Variants in STAT4 observed in about 807,000 individuals in gnomAD.
STAT4 encodes signal transducer and activator of transcription 4.
STAT4 carries 42 observed loss-of-function variants against 110.5 expected under a neutral mutation model. That is an observed-to-expected ratio of 0.38 (90% confidence interval 0.30 to 0.49). STAT4 has a LOEUF of 0.49. Ranked by LOEUF, STAT4 falls within the 20% of genes least tolerant of loss-of-function variation. The probability of loss-of-function intolerance (pLI) is 0.95; values close to 1 mark genes in which losing one functional copy is unlikely to be tolerated. For synonymous variants in STAT4, 284 were observed against 302.2 expected, an observed-to-expected ratio of 0.94 and a Z score of 0.63; for missense variants, 632 against 887.9, an observed-to-expected ratio of 0.71 and a Z score of 3.66.
intron 3 of STAT4, among the ~76,000 whole-genome samples, chr2:191,136,850 G>T (rs73052577): frequency 3.0e-4 from 46 of 152,176 alleles, no homozygotes; most frequent in African/African-American, 1.0e-3. Context: ...TGATAAATAG[G>T]TTCAGTAAAG....
At chr2:191,049,045 A>G (rs559191156) in intron 14 of STAT4, among the ~76,000 whole-genome samples, 5 of 149,782 alleles carry the variant, frequency 3.3e-5, no homozygotes, top group African/African-American at 4.9e-5. Context: ...CTTCACTTGG[A>G]AAAAAAAAAT....
chr2:191,144,733 C>T lies in STAT4; in HGVS notation c.273+1880G>A, dbSNP rs1699419711. ...CACAAAAGATGGGTTGTTTTCTTACCCCTGATTTACACTGAGAAAATCCTG... is the reference window on the plus strand; with the variant it reads ...CACAAAAGATGGGTTGTTTTCTTACTCCTGATTTACACTGAGAAAATCCTG... On this transcript the variant is annotated intron_variant, in intron 3 of 23. Coordinates refer to ENST00000392320, the MANE Select transcript of STAT4 (RefSeq NM_003151.4). The surrounding 1 kb of genome is among the most constrained non-coding windows in gnomAD (Gnocchi z 4.7). 2.0e-5 allele frequency among the ~76,000 whole-genome samples: 3 copies of T among 152,048 alleles called. No individual in the cohort carries two copies. Among genetic ancestry groups the T allele is most frequent in the African/African-American group, 7.2e-5 (3 of 41,404 alleles).
At chr2:191,057,684 C>T (rs1696743469) in intron 13 of STAT4, among the ~76,000 whole-genome samples, 2 of 150,800 alleles carry the variant, frequency 1.3e-5, no homozygotes, top group South Asian at 4.2e-4. Context: ...CTGCAACCTC[C>T]GTCTGCCGGG....
Position 191,062,989 on chromosome 2 carries a change from G to A in STAT4, c.783-69C>T. The A allele has an allele frequency of 7.8e-7, 1 of 1,274,550 alleles. No individual in the cohort carries two copies. Among genetic ancestry groups the A allele is most frequent in the Non-Finnish European group, 1.1e-6 (1 of 937,458 alleles). The allele number at this position is 1,274,550 out of a possible 1,614,324, so 79.0% of individuals were successfully genotyped here. ...ATAATAAAAAAGCATTGTAACAATG[G>A]GTCATAGTTAATAAACATTAAATTA... On this transcript the variant is annotated intron_variant, in intron 8 of 23. Coordinates refer to ENST00000392320, the MANE Select transcript of STAT4 (RefSeq NM_003151.4). The surrounding 1 kb of genome is among the most constrained non-coding windows in gnomAD (Gnocchi z 4.9).
Position 191,033,296 on chromosome 2 carries a change from T to C in STAT4, c.1853-147A>G. 2.6e-6 allele frequency: 3 copies of C among 1,134,784 alleles called. No homozygotes were observed. Among genetic ancestry groups the C allele is most frequent in the Non-Finnish European group, 3.7e-6 (3 of 809,524 alleles). 70.3% of individuals were successfully genotyped at this position (1,134,784 alleles called of 1,614,324 possible). A position where few individuals can be genotyped will look rare whatever the true frequency, so the allele number is the denominator to read the frequency against. On this transcript the variant is annotated intron_variant, in intron 20 of 23. Transcript: ENST00000392320. This position sits in a 1 kb window ranked among gnomAD's most constrained non-coding sequence, Gnocchi z 6.9. ...GTCAGACCTTCTGCTGTCTGGACAG[T>C]ATAGATTGTGCATACGATAGACTTT...
intron 3 of STAT4, among the ~76,000 whole-genome samples, chr2:191,093,805 G>A (rs567302187): frequency 6.6e-6 from 1 of 152,130 alleles, no homozygotes; most frequent in Non-Finnish European, 1.5e-5. Flanking sequence ...GCTAAAGGAG[G>A]ATGTTCGAAC....
intron 3 of STAT4, among the ~76,000 whole-genome samples, chr2:191,088,248 A>T (rs1275929373): frequency 1.3e-5 from 2 of 152,180 alleles, no homozygotes; most frequent in African/African-American, 4.8e-5. Context: ...AAGACACAAA[A>T]GTCAATTGCT....
At chr2:191,100,736 T>C (rs1248492232) in intron 3 of STAT4, among the ~76,000 whole-genome samples, 2 of 151,470 alleles carry the variant, frequency 1.3e-5, no homozygotes, top group African/African-American at 2.4e-5. Context: ...ATCTTATTTA[T>C]ATATTTGATT....
At position 191,135,600 on chromosome 2, in the gene STAT4, GGGACTACA is replaced by G. The variant is rs1699158905; in HGVS notation, c.273+11005_273+11012del. On this transcript the variant is annotated intron_variant, in intron 3 of 23. Transcript: ENST00000392320. This position sits in a 1 kb window ranked among gnomAD's most constrained non-coding sequence, Gnocchi z 4.8. ...GTGATTCTCCTCCTCATGAGTAGCT[GGGACTACA>G]GGTGATCACCACCACGCCCAGCTAA... 6.6e-6 allele frequency among the ~76,000 whole-genome samples: 1 copy of G among 152,112 alleles called. No individual in the cohort carries two copies. Among genetic ancestry groups the G allele is most frequent in the Non-Finnish European group, 1.5e-5 (1 of 68,024 alleles).
chr2:191,126,774 G>C (rs1009219561), intron 3 of STAT4, among the ~76,000 whole-genome samples: 2 of 152,178 alleles, frequency 1.3e-5, no homozygotes, highest in African/African-American at 4.8e-5. Context: ...TCTTGGACTT[G>C]ACTTTTCATC....
chr2:191,120,592 C>G (rs533235735), intron 3 of STAT4, among the ~76,000 whole-genome samples: 5 of 152,186 alleles, frequency 3.3e-5, no homozygotes, highest in Admixed American at 3.3e-4. Context: ...TGTTCTGTTA[C>G]ATTGGTCTAT....
intron 3 of STAT4, among the ~76,000 whole-genome samples, chr2:191,118,432 C>G (rs1289395683): frequency 6.6e-6 from 1 of 152,102 alleles, no homozygotes; most frequent in African/African-American, 2.4e-5. Flanking sequence ...TTGGTGAGAT[C>G]TTCATCTTTC....
chr2:191,135,535 G>A lies in STAT4; in HGVS notation c.273+11078C>T, dbSNP rs1415085158. ...GTCGCCCAGGCTGGAGTGCAGTGGCGTGATCTCAGCTCACTGCAACCTCCG... is the reference window on the plus strand; with the variant it reads ...GTCGCCCAGGCTGGAGTGCAGTGGCATGATCTCAGCTCACTGCAACCTCCG... On this transcript the variant is annotated intron_variant, in intron 3 of 23. Coordinates refer to ENST00000392320, the MANE Select transcript of STAT4 (RefSeq NM_003151.4). This position sits in a 1 kb window ranked among gnomAD's most constrained non-coding sequence, Gnocchi z 4.8. Among the ~76,000 whole-genome samples, 2 of 152,110 alleles carry A rather than the reference G, an allele frequency of 1.3e-5. No homozygotes were observed. The highest frequency in any genetic ancestry group is 1.9e-4 in the East Asian group (1 of 5,192).
Position 191,144,579 on chromosome 2 carries a change from G to A in STAT4, c.273+2034C>T, listed in dbSNP as rs970689410. 2.0e-5 allele frequency among the ~76,000 whole-genome samples: 3 copies of A among 149,934 alleles called. No homozygotes were observed. The East Asian group carries it at 6.1e-4, about 31-fold the overall frequency. On this transcript the variant is annotated intron_variant, in intron 3 of 23. Coordinates refer to ENST00000392320, the MANE Select transcript of STAT4 (RefSeq NM_003151.4). This position sits in a 1 kb window ranked among gnomAD's most constrained non-coding sequence, Gnocchi z 4.7. ...ATGCAGATGAGTTTGTGCTCGAGCT[G>A]AAGCGTGACTGGGGGTAACTGCAGG...
At chr2:191,126,053 C>T (rs1574181418) in intron 3 of STAT4, among the ~76,000 whole-genome samples, 1 of 152,324 alleles carries the variant, frequency 6.6e-6, no homozygotes, top group Middle Eastern at 3.4e-3. Context: ...TAGATATCTG[C>T]TTGACCGTTG....
In STAT4 at chr2:191,112,818, G is replaced by A. The variant is rs1382702789; in HGVS notation, c.273+33795C>T. 6.6e-6 allele frequency among the ~76,000 whole-genome samples: 1 copy of A among 152,204 alleles called. No individual in the cohort carries two copies. The highest frequency in any genetic ancestry group is 1.5e-5 in the Non-Finnish European group (1 of 68,038). Reference sequence around the variant, plus strand: ...TCTAGAGCTCTTTGGACAAACTACAGAAGGAAAATTCAGGATAATTTCTTG... The same window carrying A: ...TCTAGAGCTCTTTGGACAAACTACAAAAGGAAAATTCAGGATAATTTCTTG... On this transcript the variant is annotated intron_variant, in intron 3 of 23. Transcript: ENST00000392320. The surrounding 1 kb of genome is among the most constrained non-coding windows in gnomAD (Gnocchi z 4.3).
At position 191,086,754 on chromosome 2, in the gene STAT4, G is replaced by A. The variant is rs1052799975; in HGVS notation, c.274-10429C>T. Among the ~76,000 whole-genome samples the A allele has an allele frequency of 6.6e-6, 1 of 151,994 alleles. No homozygotes were observed. The highest frequency in any genetic ancestry group is 2.1e-4 in the South Asian group (1 of 4,828). On this transcript the variant is annotated intron_variant, in intron 3 of 23. Transcript: ENST00000392320. The surrounding 1 kb of genome is among the most constrained non-coding windows in gnomAD (Gnocchi z 5.5). Reference sequence around the variant, plus strand: ...AATATTTTCAATTTTTTTCTCCCATGTTTCTGACTTGAAATTGCTAGAAAT... The same window carrying A: ...AATATTTTCAATTTTTTTCTCCCATATTTCTGACTTGAAATTGCTAGAAAT...
chr2:191,144,588 CTG>C lies in STAT4; in HGVS notation c.273+2023_273+2024del, dbSNP rs150004633. Among the ~76,000 whole-genome samples the C allele has an allele frequency of 0.089, 13,399 of 150,784 alleles. 677 individuals are homozygous for C. The highest frequency in any genetic ancestry group is 0.19 in the East Asian group (973 of 5,034). ...AGTTTGTGCTCGAGCTGAAGCGTGACTGGGGGTAACTGCAGGTTTTTGAGCAG... is the reference window on the plus strand; with the variant it reads ...AGTTTGTGCTCGAGCTGAAGCGTGACGGGGTAACTGCAGGTTTTTGAGCAG... On this transcript the variant is annotated intron_variant, in intron 3 of 23. Transcript: ENST00000392320. The surrounding 1 kb of genome is among the most constrained non-coding windows in gnomAD (Gnocchi z 4.7).
At chr2:191,048,201 T>C (rs757925932) in intron 14 of STAT4, among the ~76,000 whole-genome samples, 5 of 152,200 alleles carry the variant, frequency 3.3e-5, no homozygotes, top group Non-Finnish European at 5.9e-5. Flanking sequence ...GGTGAGAGGG[T>C]GATTATTTTC....
Sources: allele counts gnomAD v4.1 joint callset (sites outside exome capture counted in the v4.1 genomes callset), GRCh38; gene constraint gnomAD v4.1.1; non-coding constraint Gnocchi (gnomAD v3.1); transcripts MANE v1.5; gene names NCBI Gene and HGNC (gene_info 2026-07-23, HGNC 2026-07-21).